The following RTKN2 variants were observed in gnomAD, a reference collection of about 807,000 sequenced individuals.
RTKN2 encodes rhotekin 2.
Under a neutral mutation model 71.5 loss-of-function variants are expected in RTKN2, and 69 were observed. The observed-to-expected ratio is 0.96, with a 90% CI of 0.79 to 1.18. The LOEUF is 1.18. RTKN2 is among the 50% of genes most tolerant of loss of function. The pLI, the probability that RTKN2 is intolerant of heterozygous loss-of-function variation, is 0.00. For synonymous variants in RTKN2, 236 were observed against 236.5 expected (o/e 1.00, Z 0.02); for missense variants, 724 against 719.7 (o/e 1.01, Z -0.07).
At chr10:62,229,427 G>A (rs1842102958) in intron 6 of RTKN2, among the ~76,000 whole-genome samples, 1 of 152,104 alleles carries the variant, frequency 6.6e-6, no homozygotes, top group East Asian at 1.9e-4. Context: ...GTATTAGATG[G>A]GCTAATACTT....
chr10:62,208,204 T>A (rs1465897961), intron 9 of RTKN2, among the ~76,000 whole-genome samples: 1 of 152,188 alleles, frequency 6.6e-6, no homozygotes, highest in Non-Finnish European at 1.5e-5. Context: ...TACTTCCTCC[T>A]CTTCATTTCC....
intron 2 of RTKN2, among the ~76,000 whole-genome samples, chr10:62,261,429 C>A (rs1842772831): frequency 1.3e-5 from 2 of 151,962 alleles, no homozygotes; most frequent in Non-Finnish European, 2.9e-5. Flanking sequence ...ATCACGAGGT[C>A]AGGAGATTGA....
At chr10:62,237,742 C>T (rs1275780609) in intron 5 of RTKN2, among the ~76,000 whole-genome samples, 1 of 151,664 alleles carries the variant, frequency 6.6e-6, no homozygotes, top group East Asian at 1.9e-4. Context: ...TAACATTTTA[C>T]TATCTGGTTA....
At chr10:62,187,356 A>T (rs192363676) in intron 8 of RTKN2, among the ~76,000 whole-genome samples, 4 of 152,140 alleles carry the variant, frequency 2.6e-5, no homozygotes, top group East Asian at 3.9e-4. Context: ...CAGGGACTCC[A>T]TTCAAAGTCC....
chr10:62,202,538 A>G (rs1328528684), intron 10 of RTKN2, among the ~76,000 whole-genome samples: 1 of 152,206 alleles, frequency 6.6e-6, no homozygotes, highest in Admixed American at 6.5e-5. Flanking sequence ...TCCATACACA[A>G]TGAATTCTGA....
At chr10:62,260,304 T>C (rs1291243287) in intron 2 of RTKN2, among the ~76,000 whole-genome samples, 1 of 152,216 alleles carries the variant, frequency 6.6e-6, no homozygotes, top group Admixed American at 6.5e-5. Flanking sequence ...TATATCTGCA[T>C]AATTTACATA....
chr10:62,209,534 G>C (rs34101118), intron 9 of RTKN2, among the ~76,000 whole-genome samples: 13,291 of 151,878 alleles, frequency 0.088, 778 homozygotes, highest in South Asian at 0.25. Flanking sequence ...GTGTCATGGG[G>C]GTCTACTGTA....
rs972666630 is a variant in RTKN2 at position 62,194,607 on chromosome 10, T to C, written c.*3301A>G. ...GTCCATGTAGTATAGTTGTGCCTCA[T>C]TCGTGGTAACACAGGTGATTACATT... On this transcript the variant is annotated 3_prime_UTR_variant, in exon 12 of 12. Transcript: ENST00000373789. 1.0e-6 allele frequency: 1 copy of C among 985,460 alleles called. No individual in the cohort carries two copies. Among genetic ancestry groups the C allele is most frequent in the African/African-American group, 1.7e-5 (1 of 57,372 alleles). The allele number at this position is 985,460 out of a possible 1,614,324, so 61.0% of individuals were successfully genotyped here. A position where few individuals can be genotyped will look rare whatever the true frequency, so the allele number is the denominator to read the frequency against.
chr10:62,199,717 G>A (rs1293469135), intron 11 of RTKN2, 37 bp downstream of exon 11: 1 of 1,272,770 alleles, frequency 7.9e-7, no homozygotes, highest in Non-Finnish European at 1.1e-6. Context: ...TGTTGTTTTT[G>A]TTATCCTGCA....
Position 62,252,806 on chromosome 10 carries a change from G to C in RTKN2, c.258-6749C>G, listed in dbSNP as rs373698697. ...GGTTTAGTTGGCTCGTGGAGCTAAGGGAAATACATAAAAAAACTTATAAGA... is the reference window on the plus strand; with the variant it reads ...GGTTTAGTTGGCTCGTGGAGCTAAGCGAAATACATAAAAAAACTTATAAGA... On this transcript the variant is annotated intron_variant, in intron 2 of 11. Coordinates refer to ENST00000373789, the MANE Select transcript of RTKN2 (RefSeq NM_145307.4). Among the ~76,000 whole-genome samples, 3 of 151,930 alleles carry C rather than the reference G, an allele frequency of 2.0e-5. No individual in the cohort carries two copies. The East Asian group carries it at 5.8e-4, about 29-fold the overall frequency.
At chr10:62,227,402 G>A (rs1248484278) in intron 6 of RTKN2, among the ~76,000 whole-genome samples, 1 of 152,132 alleles carries the variant, frequency 6.6e-6, no homozygotes, top group Non-Finnish European at 1.5e-5. Context: ...GCCACAAGAA[G>A]AACAGAAGGA....
chr10:62,214,585 T>C (rs1444700205), intron 9 of RTKN2, among the ~76,000 whole-genome samples: 3 of 152,140 alleles, frequency 2.0e-5, no homozygotes, highest in Non-Finnish European at 2.9e-5. Context: ...ACCACTTTTC[T>C]GGAATTAGAT....
intron 10 of RTKN2, among the ~76,000 whole-genome samples, chr10:62,201,097 G>T (rs1374507330): frequency 6.6e-6 from 1 of 152,062 alleles, no homozygotes; most frequent in Non-Finnish European, 1.5e-5. Context: ...TTTTATAAGA[G>T]TTAGTTACTG....
chr10:62,215,049 C>A, intron 9 of RTKN2: 1 of 1,507,776 alleles, frequency 6.6e-7, no homozygotes. Flanking sequence ...TGAGATATGG[C>A]GAGTTGAATT....
chr10:62,192,493 T>C (rs1025611379), downstream of RTKN2, among the ~76,000 whole-genome samples: 2 of 152,190 alleles, frequency 1.3e-5, no homozygotes, highest in Non-Finnish European at 2.9e-5. Flanking sequence ...CATCATTACA[T>C]TGCATGCAAA....
Position 62,196,713 on chromosome 10 carries a change from T to C in RTKN2, c.*1195A>G. ...GTTCAGTGTGATTTGAGATTTTTAG[T>C]GCTGTTGCTGACACCTTATGGAAAC... On this transcript the variant is annotated 3_prime_UTR_variant, in exon 12 of 12. Transcript: ENST00000373789. The C allele has an allele frequency of 2.0e-6, 2 of 984,736 alleles. No homozygotes were observed. Among genetic ancestry groups the C allele is most frequent in the Non-Finnish European group, 2.4e-6 (2 of 829,296 alleles). The allele number at this position is 984,736 out of a possible 1,614,324, so 61.0% of individuals were successfully genotyped here. A position where few individuals can be genotyped will look rare whatever the true frequency, so the allele number is the denominator to read the frequency against.
intron 6 of RTKN2, among the ~76,000 whole-genome samples, chr10:62,231,485 A>T (rs888350494): frequency 3.9e-5 from 6 of 152,210 alleles, no homozygotes; most frequent in African/African-American, 1.4e-4. Flanking sequence ...AACATGACTA[A>T]CTACAATGCC....
chr10:62,193,427 A>G lies in RTKN2; in HGVS notation c.*4481T>C, dbSNP rs1183894413. The G allele has an allele frequency of 2.0e-6, 2 of 981,860 alleles. No individual in the cohort carries two copies. Among genetic ancestry groups the G allele is most frequent in the African/African-American group, 3.5e-5 (2 of 57,162 alleles). 60.8% of individuals were successfully genotyped at this position (981,860 alleles called of 1,614,324 possible). On this transcript the variant is annotated 3_prime_UTR_variant, in exon 12 of 12. Coordinates refer to ENST00000373789, the MANE Select transcript of RTKN2 (RefSeq NM_145307.4). ...TTCTCCCATACTCAGATAAAGAAAAATGTTTGTTAAAATTTCTGTAACTTT... is the reference window on the plus strand; with the variant it reads ...TTCTCCCATACTCAGATAAAGAAAAGTGTTTGTTAAAATTTCTGTAACTTT...
intron 3 of RTKN2, among the ~76,000 whole-genome samples, chr10:62,245,290 A>G (rs1033868532): frequency 1.3e-5 from 2 of 152,136 alleles, no homozygotes; most frequent in Non-Finnish European, 2.9e-5. Context: ...AGATTATATT[A>G]TATATAGATA....
Sources: allele counts gnomAD v4.1 joint callset (sites outside exome capture counted in the v4.1 genomes callset), GRCh38; gene constraint gnomAD v4.1.1; transcripts MANE v1.5; gene names NCBI Gene and HGNC (gene_info 2026-07-23, HGNC 2026-07-21).